The following CPQ variants were observed in gnomAD, a reference collection of about 807,000 sequenced individuals.
CPQ encodes the protein carboxypeptidase Q.
A neutral mutation model predicts 45.7 loss-of-function variants in CPQ; 37 were observed. The ratio of observed to expected loss-of-function variants is 0.81; its 90% CI spans 0.62 to 1.07. CPQ has a LOEUF of 1.07. Among genes scored for constraint, CPQ ranks in the 50% least tolerant of loss-of-function variants. CPQ has a pLI of 0.00. For missense variants in CPQ, 537 were observed against 572.9 expected, an observed-to-expected ratio of 0.94 and a Z score of 0.64; for synonymous variants, 186 against 205.8, an observed-to-expected ratio of 0.90 and a Z score of 0.82.
intron 1 of CPQ, among the ~76,000 whole-genome samples, chr8:96,696,764 C>T (rs1809390183): frequency 6.6e-6 from 1 of 151,966 alleles, no homozygotes; most frequent in African/African-American, 2.4e-5. Flanking sequence ...ACTTGAAAAC[C>T]TAGGAGAAAT....
chr8:96,740,466 C>T (rs2130777907), intron 1 of CPQ, among the ~76,000 whole-genome samples: 1 of 151,906 alleles, frequency 6.6e-6, no homozygotes, highest in South Asian at 2.1e-4. Flanking sequence ...CCTTCTCCTG[C>T]CTAATTGCCC....
chr8:97,123,052 T>A (rs1164279648), intron 7 of CPQ, among the ~76,000 whole-genome samples: 24 of 36,750 alleles, frequency 6.5e-4, no homozygotes, highest in South Asian at 1.7e-3. Context: ...ATAAATAAAA[T>A]AAAATAAAAT....
At chr8:97,007,058 T>C (rs919536290) in intron 5 of CPQ, among the ~76,000 whole-genome samples, 1 of 152,216 alleles carries the variant, frequency 6.6e-6, no homozygotes, top group Non-Finnish European at 1.5e-5. Context: ...GCCTCAGTCA[T>C]TAAAAAGCAC....
intron 1 of CPQ, among the ~76,000 whole-genome samples, chr8:96,650,502 T>C (rs1161395693): frequency 6.6e-6 from 1 of 152,220 alleles, no homozygotes; most frequent in Non-Finnish European, 1.5e-5. Context: ...AAATCTGGCA[T>C]GAAGGAGGCT....
intron 1 of CPQ, among the ~76,000 whole-genome samples, chr8:96,682,637 T>C (rs1809166943): frequency 6.6e-6 from 1 of 152,202 alleles, no homozygotes; most frequent in African/African-American, 2.4e-5. Flanking sequence ...GTTGGGTGCT[T>C]GTATGTTTGG....
intron 5 of CPQ, among the ~76,000 whole-genome samples, chr8:97,003,850 A>G (rs994090411): frequency 6.6e-6 from 1 of 152,146 alleles, no homozygotes; most frequent in Non-Finnish European, 1.5e-5. Flanking sequence ...GCTAAGTACT[A>G]CTATACGTTA....
intron 6 of CPQ, among the ~76,000 whole-genome samples, chr8:97,045,107 A>G (rs1810215714): frequency 6.6e-6 from 1 of 152,250 alleles, no homozygotes; most frequent in African/African-American, 2.4e-5. Context: ...CTACAGAGGC[A>G]GGCAGGGCTC....
chr8:96,816,368 G>C (rs1279807788), intron 2 of CPQ, among the ~76,000 whole-genome samples: 1 of 152,032 alleles, frequency 6.6e-6, no homozygotes, highest in Non-Finnish European at 1.5e-5. Context: ...ATATCTTCAG[G>C]CTCCACTTCT....
intron 5 of CPQ, among the ~76,000 whole-genome samples, chr8:96,978,014 T>G (rs192920860): frequency 6.6e-6 from 1 of 152,342 alleles, no homozygotes; most frequent in East Asian, 1.9e-4. Context: ...CTTTCCTTTT[T>G]TTAATTACAT....
intron 1 of CPQ, among the ~76,000 whole-genome samples, chr8:96,779,154 A>G (rs1284803221): frequency 6.6e-6 from 1 of 151,946 alleles, no homozygotes; most frequent in Admixed American, 6.6e-5. Flanking sequence ...TTTTCTGGAC[A>G]TATTTTTTAA....
intron 7 of CPQ, among the ~76,000 whole-genome samples, chr8:97,138,458 A>G (rs1014955301): frequency 2.0e-5 from 3 of 152,224 alleles, no homozygotes; most frequent in African/African-American, 7.2e-5. Flanking sequence ...GGCAATGTCC[A>G]GTCCACAAGA....
intron 5 of CPQ, among the ~76,000 whole-genome samples, chr8:96,974,287 T>A (rs879393109): frequency 6.6e-6 from 1 of 152,204 alleles, no homozygotes; most frequent in Non-Finnish European, 1.5e-5. Flanking sequence ...AGACATTATA[T>A]AATGATAAAA....
intron 1 of CPQ, among the ~76,000 whole-genome samples, chr8:96,687,154 C>G (rs1323246955): frequency 1.3e-5 from 2 of 149,644 alleles, no homozygotes; most frequent in African/African-American, 5.0e-5. Context: ...TTCCATTTTT[C>G]TTTTCTTTTC....
At chr8:97,089,243 CAA>C (rs61075671) in intron 7 of CPQ, among the ~76,000 whole-genome samples, 5 of 122,396 alleles carry the variant, frequency 4.1e-5, no homozygotes, top group Non-Finnish European at 3.4e-5. Context: ...AGCTCAGTCT[CAA>C]AAAAAAAAAA....
At chr8:96,651,501 A>G (rs1418501416) in intron 1 of CPQ, among the ~76,000 whole-genome samples, 1 of 152,244 alleles carries the variant, frequency 6.6e-6, no homozygotes, top group Non-Finnish European at 1.5e-5. Flanking sequence ...AAAAATGCAT[A>G]TCTTTAAAAC....
At chr8:96,806,522 G>C (rs547834987) in intron 2 of CPQ, among the ~76,000 whole-genome samples, 1 of 152,254 alleles carries the variant, frequency 6.6e-6, no homozygotes, top group African/African-American at 2.4e-5. Context: ...AGGAAGAGTA[G>C]TAAACCAGGT....
intron 2 of CPQ, among the ~76,000 whole-genome samples, chr8:96,800,202 G>A (rs1810987995): frequency 6.6e-6 from 1 of 152,108 alleles, no homozygotes; most frequent in African/African-American, 2.4e-5. Flanking sequence ...TAAAAGTTCT[G>A]AATTGGCAAC....
intron 1 of CPQ, among the ~76,000 whole-genome samples, chr8:96,650,954 T>G (rs903028637): frequency 1.3e-5 from 2 of 152,254 alleles, no homozygotes; most frequent in Non-Finnish European, 2.9e-5. Context: ...ATATATTATC[T>G]GAATAAATCC....
At chr8:96,754,031 A>G (rs1810297152) in intron 1 of CPQ, among the ~76,000 whole-genome samples, 1 of 151,998 alleles carries the variant, frequency 6.6e-6, no homozygotes, top group Admixed American at 6.6e-5. Context: ...TATATTTCTA[A>G]TATTAAACAA....
Sources: allele counts gnomAD v4.1 joint callset (sites outside exome capture counted in the v4.1 genomes callset), GRCh38; gene constraint gnomAD v4.1.1; transcripts MANE v1.5; gene names NCBI Gene and HGNC (gene_info 2026-07-23, HGNC 2026-07-21).